The following TRMT1 variants were observed in gnomAD, a reference collection of about 807,000 sequenced individuals.
TRMT1 encodes tRNA methyltransferase 1.
TRMT1 carries 63 observed loss-of-function variants against 75.4 expected under a neutral mutation model. The observed-to-expected ratio is 0.84, with a 90% CI of 0.68 to 1.03. The LOEUF is 1.03. TRMT1 is among the 50% of genes least tolerant of loss of function. The pLI is 0.00. For synonymous variants in TRMT1, 382 were observed against 358.1 expected (o/e 1.07, Z -0.75); for missense variants, 870 against 905.3 (o/e 0.96, Z 0.50).
chr19:13,113,888 G>A (rs1004268897), intron 5 of TRMT1, among the ~76,000 whole-genome samples: 7 of 152,022 alleles, frequency 4.6e-5, no homozygotes, highest in African/African-American at 1.7e-4. Context: ...GGGATTACAG[G>A]GGTGAGCCAC....
At position 13,107,575 on chromosome 19, in the gene TRMT1, TG is replaced by T. The variant is rs746309544; in HGVS notation, c.1581del (p.Arg528GlyfsTer131). The T allele has an allele frequency of 7.5e-6, 12 of 1,601,736 alleles. No homozygotes were observed. Among genetic ancestry groups the T allele is most frequent in the Admixed American group, 5.1e-5 (3 of 59,102 alleles). On this transcript the variant is annotated frameshift_variant and splice_region_variant, in exon 14 of 17. Coordinates refer to ENST00000357720, the MANE Select transcript of TRMT1 (RefSeq NM_001136035.4). LOFTEE classifies it high-confidence loss of function. Reference sequence around the variant, plus strand: ...GCTCCTGCATGTGCTTGCCCCTACCTGGGCTCCACACTGAGAATGCGGAACG... The same window carrying T: ...GCTCCTGCATGTGCTTGCCCCTACCTGGCTCCACACTGAGAATGCGGAACG... ...SPAFRILSVE[P>X]RLQANFTIRE...
chr19:13,115,107 A>T (rs1164756492), intron 5 of TRMT1, among the ~76,000 whole-genome samples, 172 bp downstream of exon 5: 1 of 152,180 alleles, frequency 6.6e-6, no homozygotes, highest in African/African-American at 2.4e-5. Flanking sequence ...ATTATCTATT[A>T]CTCATCACAG....
intron 7 of TRMT1, among the ~76,000 whole-genome samples, chr19:13,110,681 G>C (rs966760414): frequency 6.6e-6 from 1 of 152,210 alleles, no homozygotes; most frequent in Non-Finnish European, 1.5e-5. Context: ...AACTGCTGGG[G>C]CCTGGGCCGG....
At position 13,116,258 on chromosome 19, in the gene TRMT1, G is replaced by A. The variant is rs771309833; in HGVS notation, c.142C>T (p.Arg48Cys). Residue 48 changes from arginine (R) to cysteine (C), a missense_variant, in exon 2 of 17, where the codon CGT becomes TGT. Physicochemically the swap from Arg to Cys is radical, Grantham distance 180 (BLOSUM62 -3). Transcript: ENST00000357720. ...GTCGTCTCCTGGACTTCACGTGGAC[G>A]TTCTTCTCCGTAGGGCCCGGTGCCG... is the stretch of plus-strand genomic sequence containing the variant. ...ENGTGPYGEE[R>C]PREVQETTVT... 4 of 1,614,204 alleles carry A rather than the reference G, an allele frequency of 2.5e-6. No homozygotes were observed. Among genetic ancestry groups the A allele is most frequent in the Non-Finnish European group, 3.4e-6 (4 of 1,180,048 alleles).
At chr19:13,115,853 A>AG in intron 3 of TRMT1, 85 bp from the exon 4 acceptor site, 1 of 1,605,552 alleles carries the variant, frequency 6.2e-7, no homozygotes, top group Non-Finnish European at 8.5e-7. Context: ...ATCGTCCCTG[A>AG]AATCCCTGCG....
rs750785552 is a variant in TRMT1 at position 13,116,366 on chromosome 19, AAGTGAGGCTT to A, written c.24_33del (p.Leu10AlafsTer72). On this transcript the variant is annotated frameshift_variant, in exon 2 of 17. Coordinates refer to ENST00000357720, the MANE Select transcript of TRMT1 (RefSeq NM_001136035.4). LOFTEE classifies it high-confidence loss of function. ...CTAGAGAGCACCCGGGCGGAGCGGA[AAGTGAGGCTT>A]AGCCACAGAGACGATCCTTGCATGA... 24 of 1,611,374 alleles carry A rather than the reference AAGTGAGGCTT, an allele frequency of 1.5e-5. 1 individual carries two copies. In the South Asian group the frequency reaches 2.6e-4, roughly 18 times the overall value.
chr19:13,112,145 A>G (rs1269189162), intron 7 of TRMT1, among the ~76,000 whole-genome samples: 1 of 151,966 alleles, frequency 6.6e-6, no homozygotes, highest in Non-Finnish European at 1.5e-5. Context: ...ATCTGCCACC[A>G]TGCCTGGCTA....
At chr19:13,112,147 G>C (rs149770431) in intron 7 of TRMT1, among the ~76,000 whole-genome samples, 2,551 of 152,082 alleles carry the variant, frequency 0.017, 37 homozygotes, top group Non-Finnish European at 0.028. Flanking sequence ...CTGCCACCAT[G>C]CCTGGCTAAT....
In TRMT1 at chr19:13,112,812, G is replaced by A. The variant is rs760766634; in HGVS notation, c.763C>T (p.Leu255=). The A allele has an allele frequency of 6.2e-7, 1 of 1,614,118 alleles. No homozygotes were observed. The highest frequency in any genetic ancestry group is 8.5e-7 in the Non-Finnish European group (1 of 1,179,982). The change falls in exon 7 of 17, where the codon CTG becomes TTG. Residue 255 remains leucine, a synonymous_variant. Coordinates refer to ENST00000357720, the MANE Select transcript of TRMT1 (RefSeq NM_001136035.4). ...AVQAVSEGGL[L]CVTCTDMAVL... is the part of the protein sequence containing the mutation. ...GCCATGTCTGTGCAGGTCACACACA[G>A]CAACCCTGCAGAGAGGGGCTGGGCA...
chr19:13,109,711 C>T (rs776712356), intron 10 of TRMT1, 27 bp from the exon 11 acceptor site: 5 of 1,613,948 alleles, frequency 3.1e-6, no homozygotes, highest in Non-Finnish European at 4.2e-6. Flanking sequence ...GACAGGTGAG[C>T]AGGGACTATG....
In TRMT1 at chr19:13,109,999, T is replaced by C. The variant is rs764704685; in HGVS notation, c.1022A>G (p.Lys341Arg). 6.2e-7 allele frequency: 1 copy of C among 1,613,174 alleles called. No individual in the cohort carries two copies. Among genetic ancestry groups the C allele is most frequent in the East Asian group, 2.2e-5 (1 of 44,876 alleles). The change falls in exon 9 of 17, where the codon AAG becomes AGG. Residue 341 changes from lysine (K) to arginine (R), a missense_variant and splice_region_variant. Coordinates refer to ENST00000357720, the MANE Select transcript of TRMT1 (RefSeq NM_001136035.4). ...CACACACTGGAACACCAGCGCCTGCTTGCTGTGGGGGGTACCAGTGGCCAC... is the reference window on the plus strand; with the variant it reads ...CACACACTGGAACACCAGCGCCTGCCTGCTGTGGGGGGTACCAGTGGCCAC... ...GQAKVKASAS[K>R]QALVFQCVGC...
chr19:13,106,886 T>G (rs56045454), intron 14 of TRMT1, among the ~76,000 whole-genome samples: 127,292 of 150,110 alleles, frequency 0.85, 54,344 homozygotes, highest in African/African-American at 0.96. Flanking sequence ...GCAGTGGCGC[T>G]ATCTCGGCTC....
chr19:13,105,415 A>T lies in TRMT1; in HGVS notation c.1704-19T>A. The T allele has an allele frequency of 3.7e-6, 6 of 1,613,654 alleles. No individual in the cohort carries two copies. Among genetic ancestry groups the T allele is most frequent in the Non-Finnish European group, 8.5e-7 (1 of 1,179,970 alleles). ...CTTGCCCCTGTGCGAGGGGAGGAGT[A>T]GGTGGGACCCCATCTGCCCTTTACC... On this transcript the variant is annotated intron_variant, in intron 15 of 16. Transcript: ENST00000357720.
Position 13,105,488 on chromosome 19 carries a change from C to T in TRMT1, c.1702G>A (p.Gly568Arg). 1.2e-6 allele frequency: 2 copies of T among 1,614,072 alleles called. No homozygotes were observed. The highest frequency in any genetic ancestry group is 1.7e-6 in the Non-Finnish European group (2 of 1,180,040). The change falls in exon 15 of 17, where the codon GGG becomes AGG. Residue 568 changes from glycine (G) to arginine (R), a missense_variant and splice_region_variant. By Grantham distance (125) the Gly-to-Arg change is moderately radical (BLOSUM62 -2). Coordinates refer to ENST00000357720, the MANE Select transcript of TRMT1 (RefSeq NM_001136035.4). ...CACCCCCACCTTACCACCACTCACC[C>T]TGGCCGGGCACGAGGCCGGGGACCC... ...NWGPRPRARP[G>R]GKAADEAMEE...
At position 13,113,008 on chromosome 19, in the gene TRMT1, C is replaced by T. The variant is rs1302568889; in HGVS notation, c.645G>A (p.Met215Ile). The T allele has an allele frequency of 6.2e-7, 1 of 1,608,146 alleles. No individual in the cohort carries two copies. The highest frequency in any genetic ancestry group is 1.3e-5 in the African/African-American group (1 of 74,854). Residue 215 changes from methionine to isoleucine, a missense_variant, in exon 6 of 17, where the codon ATG (methionine) becomes ATA (isoleucine). Transcript: ENST00000357720. ...LVQPSQADARMLMYQHQRVSE... is the reference protein window; with the variant it reads ...LVQPSQADARILMYQHQRVSE... ...ACACCCTCTGGTGCTGGTACATCAG[C>T]ATCCTGGGTGCAAAGAGGGCCAGGT...
In TRMT1 at chr19:13,105,341, G is replaced by T. The variant is rs374041118; in HGVS notation, c.1759C>A (p.Arg587=). The T allele has an allele frequency of 8.1e-5, 130 of 1,613,774 alleles. No homozygotes were observed. The highest frequency in any genetic ancestry group is 1.1e-4 in the Non-Finnish European group (125 of 1,180,032). Residue 587 remains arginine (R), a synonymous_variant, in exon 16 of 17, where the codon CGG becomes AGG. Transcript: ENST00000357720. ...EERRRLLQNK[R]KEPPEDVAQR... ...GCCACATCTTCCGGCGGCTCCTTCC[G>T]CTTGTTCTGAAGCAGCCTGCGTCTC...
intron 14 of TRMT1, 125 bp from the exon 15 acceptor site, chr19:13,105,731 T>G: frequency 2.0e-6 from 2 of 994,790 alleles, no homozygotes; most frequent in Non-Finnish European, 2.9e-6. Context: ...CAGGATTCTC[T>G]CATTCATCTA....
At chr19:13,105,456 T>TGAGCC (rs1295275676) in intron 15 of TRMT1, 31 bp downstream of exon 15, 2 of 1,613,790 alleles carry the variant, frequency 1.2e-6, no homozygotes, top group Non-Finnish European at 1.7e-6. Flanking sequence ...TTTCCCTGGC[T>TGAGCC]GAGCCCCACC....
At chr19:13,116,540 G>C in intron 1 of TRMT1, 109 bp from the exon 2 acceptor site, 2 of 1,190,048 alleles carry the variant, frequency 1.7e-6, no homozygotes, top group African/African-American at 1.5e-5. Context: ...CTGCGGCCTC[G>C]GTAAGCTGAT....
Sources: allele counts gnomAD v4.1 joint callset (sites outside exome capture counted in the v4.1 genomes callset), GRCh38; gene constraint gnomAD v4.1.1; transcripts MANE v1.5; gene names NCBI Gene and HGNC (gene_info 2026-07-23, HGNC 2026-07-21).